Variants in CBL observed in about 807,000 individuals in gnomAD.
CBL encodes E3 ubiquitin-protein ligase CBL.
CBL carries 45 observed loss-of-function variants against 96.9 expected under a neutral mutation model. The ratio of observed to expected loss-of-function variants is 0.46; its 90% CI spans 0.37 to 0.60. The LOEUF (loss-of-function observed/expected upper bound fraction) is 0.60, where lower values mean the gene tolerates loss of function less well. Ranked by LOEUF, CBL falls within the 20% of genes least tolerant of loss-of-function variation. The pLI, the probability that CBL is intolerant of heterozygous loss-of-function variation, is 0.00. For missense variants in CBL, 1,024 were observed against 1,143.5 expected, an observed-to-expected ratio of 0.90 and a Z score of 1.51; for synonymous variants, 420 against 426.8, an observed-to-expected ratio of 0.98 and a Z score of 0.20.
At chr11:119,240,237 G>A (rs12286018) in intron 2 of CBL, among the ~76,000 whole-genome samples, 53,041 of 151,630 alleles carry the variant, frequency 0.35, 10,117 homozygotes, top group South Asian at 0.6. Context: ...GGAGGTTTGC[G>A]GTGAGCTGAG....
chr11:119,268,237 A>T (rs1224858125), intron 2 of CBL, among the ~76,000 whole-genome samples: 6 of 152,236 alleles, frequency 3.9e-5, no homozygotes, highest in African/African-American at 1.4e-4. Flanking sequence ...ATAGAAAGAG[A>T]CACTGAAGAC....
At chr11:119,226,708 T>G (rs956093295) in intron 1 of CBL, among the ~76,000 whole-genome samples, 19 of 152,174 alleles carry the variant, frequency 1.2e-4, no homozygotes, top group Admixed American at 9.8e-4. Flanking sequence ...TCTGCCTACC[T>G]CAGCCTCCCA....
At chr11:119,268,857 A>C (rs1262563093) in intron 2 of CBL, among the ~76,000 whole-genome samples, 1 of 152,236 alleles carries the variant, frequency 6.6e-6, no homozygotes, top group Non-Finnish European at 1.5e-5. Flanking sequence ...GTATAACCTC[A>C]GAAGTGTGAC....
intron 9 of CBL, among the ~76,000 whole-genome samples, chr11:119,280,478 A>C (rs1356478820): frequency 1.3e-5 from 2 of 152,080 alleles, no homozygotes. Context: ...ATCACTCTTG[A>C]AGGTATGGAA....
intron 1 of CBL, among the ~76,000 whole-genome samples, chr11:119,229,556 G>A (rs185099298): frequency 1.5e-4 from 23 of 152,176 alleles, no homozygotes; most frequent in African/African-American, 3.9e-4. Context: ...TCGAGGTTGT[G>A]GTGAGCTATG....
chr11:119,227,585 T>C (rs1396435041), intron 1 of CBL, among the ~76,000 whole-genome samples: 1 of 152,028 alleles, frequency 6.6e-6, no homozygotes, highest in East Asian at 1.9e-4. Context: ...AGTTTTGCTC[T>C]TGTTGCCCAG....
intron 1 of CBL, among the ~76,000 whole-genome samples, chr11:119,219,390 A>T (rs1419595889): frequency 1.3e-5 from 2 of 150,840 alleles, no homozygotes; most frequent in Non-Finnish European, 3.0e-5. Flanking sequence ...AAAAAAAAAA[A>T]GAAAGAAAGA....
chr11:119,226,217 A>T (rs1459050847), intron 1 of CBL, among the ~76,000 whole-genome samples: 1 of 152,158 alleles, frequency 6.6e-6, no homozygotes, highest in Non-Finnish European at 1.5e-5. Flanking sequence ...AAATGATAGG[A>T]CTAATGCTAC....
At chr11:119,216,481 C>T (rs1008148871) in intron 1 of CBL, among the ~76,000 whole-genome samples, 3 of 151,924 alleles carry the variant, frequency 2.0e-5, no homozygotes, top group Non-Finnish European at 2.9e-5. Flanking sequence ...AAGCGATTGT[C>T]CTGCCTCAGT....
chr11:119,288,476 CAGAGAGAG>C (rs61294763), intron 12 of CBL, among the ~76,000 whole-genome samples: 3 of 150,698 alleles, frequency 2.0e-5, no homozygotes, highest in Admixed American at 1.3e-4. Context: ...TTTGCACAGA[CAGAGAGAG>C]AGAGAGAGAG....
At chr11:119,284,219 C>G (rs1949962953) in intron 9 of CBL, among the ~76,000 whole-genome samples, 1 of 151,910 alleles carries the variant, frequency 6.6e-6, no homozygotes, top group African/African-American at 2.4e-5. Context: ...CGATCTCTTT[C>G]TTTATTATGT....
intron 3 of CBL, among the ~76,000 whole-genome samples, chr11:119,273,019 C>G (rs1321489301): frequency 6.6e-6 from 1 of 151,004 alleles, no homozygotes; most frequent in Non-Finnish European, 1.5e-5. Flanking sequence ...ACTCTCTTGC[C>G]TAGTCTGGTG....
chr11:119,237,017 A>G (rs6589723), intron 2 of CBL, among the ~76,000 whole-genome samples: 89,960 of 152,018 alleles, frequency 0.59, 27,512 homozygotes, highest in East Asian at 0.88. Context: ...ATGTAATTTC[A>G]CAACGTTCTA....
intron 1 of CBL, among the ~76,000 whole-genome samples, chr11:119,210,783 A>G (rs1949310365): frequency 1.3e-5 from 2 of 151,876 alleles, no homozygotes; most frequent in East Asian, 1.9e-4. Context: ...AAATTCCATT[A>G]TGAAATAGAA....
chr11:119,297,311 G>C (rs1473190512), intron 13 of CBL, 73 bp from the exon 14 acceptor site: 1 of 1,216,468 alleles, frequency 8.2e-7, no homozygotes, highest in Non-Finnish European at 1.2e-6. Context: ...AAAACGAGAA[G>C]ATGAATCTTC....
At chr11:119,259,929 CAA>C (rs933545868) in intron 2 of CBL, among the ~76,000 whole-genome samples, 3 of 152,176 alleles carry the variant, frequency 2.0e-5, no homozygotes, top group Admixed American at 1.3e-4. Flanking sequence ...ACACTCTTCT[CAA>C]AGGGGGAAAC....
chr11:119,278,688 T>C lies in CBL; in HGVS notation c.1406T>C (p.Met469Thr). 1 of 1,614,120 alleles carries C rather than the reference T, an allele frequency of 6.2e-7. No individual in the cohort carries two copies. The change falls in exon 9 of 16, where the codon ATG (methionine) becomes ACG (threonine). Residue 469 changes from methionine to threonine, a missense_variant. Physicochemically the swap from Met to Thr is moderately conservative, Grantham distance 81. This residue lies in a region of CBL where 695 missense variants were observed against 661.6 expected (regional missense o/e 1.05). Coordinates refer to ENST00000264033, the MANE Select transcript of CBL (RefSeq NM_005188.4). ...DDERADDTLF[M>T]MKELAGAKVE... ...GAACGAGCTGATGATACTCTCTTCA[T>C]GATGAAGGAATTGGCTGGTGCCAAG...
At chr11:119,249,671 T>C (rs1490512007) in intron 2 of CBL, among the ~76,000 whole-genome samples, 2 of 151,914 alleles carry the variant, frequency 1.3e-5, no homozygotes, top group African/African-American at 4.8e-5. Flanking sequence ...TCTTTCTTTT[T>C]TTTTTTTTAA....
At chr11:119,239,116 C>T (rs1268557907) in intron 2 of CBL, among the ~76,000 whole-genome samples, 2 of 151,956 alleles carry the variant, frequency 1.3e-5, no homozygotes, top group Non-Finnish European at 2.9e-5. Context: ...ACCACAGGTG[C>T]GCACCATCAT....
Sources: allele counts gnomAD v4.1 joint callset (sites outside exome capture counted in the v4.1 genomes callset), GRCh38; gene constraint gnomAD v4.1.1; regional missense constraint gnomAD v4.1.1; transcripts MANE v1.5; gene names NCBI Gene and HGNC (gene_info 2026-07-23, HGNC 2026-07-21).